DCDC1: variants seen among roughly 807,000 people sequenced by gnomAD.
The protein encoded by DCDC1 is doublecortin domain containing 1, also known as doublecortin domain-containing protein 1.
In DCDC1, 200 loss-of-function variants were observed where a neutral mutation model predicts 178.3. That is an observed-to-expected ratio of 1.12 (90% CI 1.00 to 1.26). The LOEUF (loss-of-function observed/expected upper bound fraction) is 1.26. Ranked by LOEUF, DCDC1 falls within the 50% of genes most tolerant of loss-of-function variation. DCDC1 has a pLI of 0.00. For missense variants in DCDC1, 1,983 were observed against 1,749.2 expected, an observed-to-expected ratio of 1.13 and a Z score of -2.38; for synonymous variants, 690 against 604.8, an observed-to-expected ratio of 1.14 and a Z score of -2.07.
chr11:31,328,615 A>G (rs989755506), intron 2 of DCDC1, among the ~76,000 whole-genome samples: 11 of 151,970 alleles, frequency 7.2e-5, no homozygotes, highest in South Asian at 4.2e-4. Flanking sequence ...TGGCTAACAC[A>G]GTGAAACCCC....
At chr11:31,330,352 C>T (rs540852605) in intron 2 of DCDC1, among the ~76,000 whole-genome samples, 1 of 152,062 alleles carries the variant, frequency 6.6e-6, no homozygotes, top group Admixed American at 6.6e-5. Context: ...TAGGTTGCCT[C>T]TTCACTCTGA....
intron 22 of DCDC1, among the ~76,000 whole-genome samples, chr11:30,930,135 A>G (rs1169456629): frequency 1.3e-5 from 2 of 152,172 alleles, no homozygotes; most frequent in Non-Finnish European, 2.9e-5. Context: ...TGCAAGTAAT[A>G]TATGTCACTA....
chr11:30,897,468 A>G (rs913699396), intron 34 of DCDC1, among the ~76,000 whole-genome samples: 17 of 151,366 alleles, frequency 1.1e-4, no homozygotes, highest in African/African-American at 3.2e-4. Flanking sequence ...CTGTAGTCCC[A>G]GCTACTCAGG....
intron 17 of DCDC1, among the ~76,000 whole-genome samples, chr11:31,088,655 C>G (rs1374433787): frequency 6.6e-6 from 1 of 152,104 alleles, no homozygotes; most frequent in Non-Finnish European, 1.5e-5. Context: ...ATTATTATCA[C>G]TATTGCTTTA....
At chr11:31,230,477 A>G (rs1470927966) in intron 9 of DCDC1, among the ~76,000 whole-genome samples, 4 of 152,188 alleles carry the variant, frequency 2.6e-5, no homozygotes, top group Admixed American at 1.3e-4. Flanking sequence ...AAAATGCGGT[A>G]CTAACTCAGC....
chr11:31,280,000 C>A (rs1946309713), intron 7 of DCDC1, among the ~76,000 whole-genome samples: 1 of 151,982 alleles, frequency 6.6e-6, no homozygotes, highest in Non-Finnish European at 1.5e-5. Flanking sequence ...AAAATAAACT[C>A]AATTTAAACA....
chr11:31,130,398 TTTA>T (rs1962277058), intron 10 of DCDC1, among the ~76,000 whole-genome samples: 1 of 152,098 alleles, frequency 6.6e-6, no homozygotes, highest in African/African-American at 2.4e-5. Flanking sequence ...TAGCAGAAGC[TTTA>T]AGAACCATTG....
Position 30,947,593 on chromosome 11 carries a change from C to T in DCDC1, c.2715+4852G>A, listed in dbSNP as rs182205779. Among the ~76,000 whole-genome samples, 167 of 152,092 alleles carry T rather than the reference C, an allele frequency of 1.1e-3. 1 individual carries two copies. Among genetic ancestry groups the T allele is most frequent in the African/African-American group, 3.5e-3 (144 of 41,496 alleles). On this transcript the variant is annotated intron_variant, in intron 21 of 38. Transcript: ENST00000684477. Reference sequence around the variant, plus strand: ...TGAATTAAATTATCAAATCTAAGACCTAAACTTATGAAACTATTAGAAGAA... The same window carrying T: ...TGAATTAAATTATCAAATCTAAGACTTAAACTTATGAAACTATTAGAAGAA...
rs369928463 is a variant in DCDC1, at chr11:30,920,937, T to C, written c.3134-2A>G. 3 of 1,606,314 alleles carry C rather than the reference T, an allele frequency of 1.9e-6. No individual in the cohort carries two copies. In the African/African-American group the frequency reaches 4.0e-5, roughly 21 times the overall value. ...CACTTTGGACTTCTAAAACAAGAGCTGAGCAGAAATTCACAAATTGCAAAG... is the reference window on the plus strand; with the variant it reads ...CACTTTGGACTTCTAAAACAAGAGCCGAGCAGAAATTCACAAATTGCAAAG... On this transcript the variant is annotated splice_acceptor_variant, in intron 24 of 38. Transcript: ENST00000684477. LOFTEE classifies it high-confidence loss of function.
chr11:30,923,011 A>G (rs988851136), intron 23 of DCDC1, among the ~76,000 whole-genome samples: 1 of 138,628 alleles, frequency 7.2e-6, no homozygotes, highest in Non-Finnish European at 1.6e-5. Context: ...GTGGGAAAGA[A>G]GGGAGCAAGG....
chr11:31,146,464 G>T, intron 9 of DCDC1, among the ~76,000 whole-genome samples: 1 of 152,144 alleles, frequency 6.6e-6, no homozygotes, highest in East Asian at 1.9e-4. Flanking sequence ...TACTTAAGGT[G>T]CAACATGGAA....
At chr11:31,275,361 T>C (rs1323357053) in intron 7 of DCDC1, among the ~76,000 whole-genome samples, 2 of 152,174 alleles carry the variant, frequency 1.3e-5, no homozygotes, top group African/African-American at 4.8e-5. Context: ...TCTTCACATG[T>C]GTAGTAACAC....
intron 21 of DCDC1, among the ~76,000 whole-genome samples, chr11:30,942,730 T>A (rs1947742365): frequency 6.6e-6 from 1 of 152,216 alleles, no homozygotes; most frequent in Admixed American, 6.5e-5. Context: ...GCTTTGGCAC[T>A]ACTGAAGCAC....
At position 31,018,085 on chromosome 11, in the gene DCDC1, G is replaced by GA. The variant is rs34771190; in HGVS notation, c.2591+46383dup. Among the ~76,000 whole-genome samples the GA allele has an allele frequency of 9.7e-3, 1,433 of 147,212 alleles. 32 individuals carry two copies. The highest frequency in any genetic ancestry group is 0.033 in the African/African-American group (1,314 of 40,294). On this transcript the variant is annotated intron_variant, in intron 20 of 38. Coordinates refer to ENST00000684477, the MANE Select transcript of DCDC1 (RefSeq NM_001387274.1). ...AACCAAAAACTGTCACCACCCACCAGAAAAAAAAAATATGTATACATGGGA... is the reference window on the plus strand; with the variant it reads ...AACCAAAAACTGTCACCACCCACCAGAAAAAAAAAAATATGTATACATGGGA...
chr11:31,192,643 C>T (rs1254049345), intron 9 of DCDC1, among the ~76,000 whole-genome samples: 1 of 152,012 alleles, frequency 6.6e-6, no homozygotes, highest in Non-Finnish European at 1.5e-5. Context: ...TGTGTCATTC[C>T]CTTCTCTGTA....
At chr11:31,335,782 C>T (rs1257064133) in intron 1 of DCDC1, among the ~76,000 whole-genome samples, 5 of 152,162 alleles carry the variant, frequency 3.3e-5, no homozygotes, top group African/African-American at 9.7e-5. Context: ...GGATCCTTTC[C>T]AGGGTGTAAT....
At chr11:31,052,238 C>A (rs769984254) in intron 20 of DCDC1, among the ~76,000 whole-genome samples, 1 of 152,024 alleles carries the variant, frequency 6.6e-6, no homozygotes, top group South Asian at 2.1e-4. Flanking sequence ...AAAGCAACAG[C>A]GGTTAAAAGA....
At position 31,212,860 on chromosome 11, in the gene DCDC1, T is replaced by C. The variant is rs78592782; in HGVS notation, c.1221+28590A>G. 3.9e-3 allele frequency among the ~76,000 whole-genome samples: 595 copies of C among 152,312 alleles called. 3 individuals carry two copies. Among genetic ancestry groups the C allele is most frequent in the African/African-American group, 0.014 (566 of 41,560 alleles). The stretch of plus-strand genomic sequence containing the variant: ...AAGGACATTAACTGCAATGCAGCAA[T>C]GCTCATTGTAATAGAAATTGGAAGA... On this transcript the variant is annotated intron_variant, in intron 9 of 38. Transcript: ENST00000684477.
chr11:31,290,905 G>C (rs1947182436), intron 6 of DCDC1, 53 bp from the exon 7 acceptor site: 1 of 1,513,378 alleles, frequency 6.6e-7, no homozygotes, highest in Non-Finnish European at 9.1e-7. Flanking sequence ...AATTAAAAAT[G>C]GACACATCAT....
Sources: gnomAD v4.1 joint callset for allele counts (sites outside exome capture counted in the v4.1 genomes callset) on GRCh38, gnomAD v4.1.1 for gene constraint, MANE v1.5 for transcripts, NCBI Gene and HGNC (gene_info 2026-07-23, HGNC 2026-07-21) for gene names.